Variants in RGPD8 observed in about 807,000 individuals in gnomAD.
RGPD8 encodes RANBP2 like and GRIP domain containing 8.
A neutral mutation model predicts 89.1 loss-of-function variants in RGPD8; 15 were observed. The ratio of observed to expected loss-of-function variants is 0.17; its 90% confidence interval spans 0.11 to 0.26. The LOEUF (loss-of-function observed/expected upper bound fraction) is 0.26. Among genes scored for constraint, RGPD8 ranks in the 10% least tolerant of loss-of-function variants. The probability of loss-of-function intolerance (pLI) is 1.00; values close to 1 mark genes in which losing one functional copy is unlikely to be tolerated. For missense variants in RGPD8, 178 were observed against 1,179.6 expected (o/e 0.15, Z 12.44); for synonymous variants, 62 against 420.9 (o/e 0.15, Z 10.44).
At chr2:112,402,536 T>TAAAAGAAA (rs1574004720) in intron 9 of RGPD8, among the ~76,000 whole-genome samples, 2 of 5,428 alleles carry the variant, frequency 3.7e-4, no homozygotes, top group African/African-American at 6.4e-4. Flanking sequence ...AAGAAAAGGT[T>TAAAAGAAA]ATGCGCTTCT....
chr2:112,374,878 T>C (rs1678075802), intron 22 of RGPD8, among the ~76,000 whole-genome samples: 1 of 144,524 alleles, frequency 6.9e-6, no homozygotes, highest in Non-Finnish European at 1.5e-5. Context: ...TTTTTTTTTT[T>C]GAGATAGGAG....
intron 7 of RGPD8, among the ~76,000 whole-genome samples, chr2:112,411,601 A>AGCCAGGCGC (rs1334409279): frequency 1.1e-5 from 1 of 88,216 alleles, no homozygotes; most frequent in East Asian, 3.2e-4. Context: ...AAAAAAAAAA[A>AGCCAGGCGC]GCCAGGCGCG....
intron 20 of RGPD8, among the ~76,000 whole-genome samples, chr2:112,382,044 G>C (rs1469143007): frequency 6.6e-6 from 1 of 151,610 alleles, no homozygotes; most frequent in Non-Finnish European, 1.5e-5. Flanking sequence ...CTAATCAGCT[G>C]CCAGCGAATA....
intron 21 of RGPD8, among the ~76,000 whole-genome samples, chr2:112,380,370 T>C (rs1678245607): frequency 8.0e-6 from 1 of 125,450 alleles, no homozygotes; most frequent in Non-Finnish European, 1.8e-5. Context: ...AAGAAGTATT[T>C]TGGCTGGATG....
chr2:112,374,307 GT>G (rs1272310992), intron 22 of RGPD8, among the ~76,000 whole-genome samples: 1 of 152,016 alleles, frequency 6.6e-6, no homozygotes, highest in Admixed American at 6.5e-5. Flanking sequence ...ATGGTGGTAA[GT>G]TTCCTTTGCA....
rs112457479 is a variant in RGPD8 at position 112,380,414 on chromosome 2, G to A, written c.5061+410C>T. On this transcript the variant is annotated intron_variant, in intron 21 of 22. Transcript: ENST00000302558. ...CACACCTGTAATACCCGCACTTCGG[G>A]AGGCCAAGGCAGGTGGATCACGAGG... Among the ~76,000 whole-genome samples the A allele has an allele frequency of 8.4e-3, 1,101 of 130,466 alleles. 48 individuals are homozygous for A. Among genetic ancestry groups the A allele is most frequent in the Non-Finnish European group, 0.014 (792 of 58,530 alleles). The allele number at this position is 130,466 out of a possible 152,430, so 85.6% of individuals were successfully genotyped here.
At chr2:112,411,094 A>T (rs1194238123) in intron 7 of RGPD8, among the ~76,000 whole-genome samples, 55 of 152,206 alleles carry the variant, frequency 3.6e-4, no homozygotes, top group East Asian at 1.9e-4. Context: ...CAAAAAGAAA[A>T]AAAGATTTAT....
intron 1 of RGPD8, among the ~76,000 whole-genome samples, chr2:112,427,583 G>T (rs1368237931): frequency 6.6e-6 from 1 of 152,158 alleles, no homozygotes; most frequent in Non-Finnish European, 1.5e-5. Flanking sequence ...GTAAGATAGA[G>T]ATGTAATTGT....
intron 9 of RGPD8, among the ~76,000 whole-genome samples, chr2:112,402,533 G>GAAAA (rs1172989175): frequency 6.6e-6 from 1 of 150,868 alleles, no homozygotes; most frequent in African/African-American, 2.4e-5. Flanking sequence ...GAAAAGAAAA[G>GAAAA]GTTATGCGCT....
rs1359671495 is a variant in RGPD8, at chr2:112,390,131, C to T, written c.2814G>A (p.Lys938=). 6.2e-6 allele frequency: 10 copies of T among 1,603,382 alleles called. No individual in the cohort carries two copies. The African/African-American group carries it at 9.6e-5, about 15-fold the overall frequency. The change falls in exon 20 of 23, where the codon AAG becomes AAA. Residue 938 remains lysine, a synonymous_variant. Coordinates refer to ENST00000302558, the MANE Select transcript of RGPD8 (RefSeq NM_001164463.1). ...EPGNQEKKRE[K]PLENDTGLQA... The stretch of plus-strand genomic sequence containing the variant: ...GTAAGCCAGTATCATTTTCAAGAGG[C>T]TTTTCCCTTTTCTTTTCTTGATTTC...
chr2:112,419,508 A>T (rs1167541319), intron 4 of RGPD8, among the ~76,000 whole-genome samples: 5 of 149,370 alleles, frequency 3.3e-5, no homozygotes, highest in African/African-American at 4.9e-5. Flanking sequence ...CAAATGTCAG[A>T]AACTGTTTAC....
intron 22 of RGPD8, among the ~76,000 whole-genome samples, chr2:112,371,616 T>C (rs2104756834): frequency 2.2e-5 from 1 of 44,640 alleles, no homozygotes; most frequent in East Asian, 5.9e-4. Flanking sequence ...CGAATAATTG[T>C]GTACAGGTTT....
At chr2:112,379,849 A>G (rs1678222495) in intron 21 of RGPD8, among the ~76,000 whole-genome samples, 1 of 148,126 alleles carries the variant, frequency 6.8e-6, no homozygotes, top group East Asian at 2.0e-4. Context: ...TAGGAGCAGC[A>G]AAGTACAGGG....
chr2:112,405,167 CT>C (rs1441244181), intron 8 of RGPD8, among the ~76,000 whole-genome samples: 1 of 142,422 alleles, frequency 7.0e-6, no homozygotes, highest in East Asian at 2.2e-4. Context: ...TAAGGAATTC[CT>C]CACGGAGTGA....
chr2:112,432,013 A>G (rs933087549), intron 1 of RGPD8, among the ~76,000 whole-genome samples: 3 of 152,196 alleles, frequency 2.0e-5, no homozygotes, highest in Non-Finnish European at 4.4e-5. Flanking sequence ...GCAATAACCT[A>G]AATGTTTAAA....
rs1262928026 is a variant in RGPD8 at position 112,433,477 on chromosome 2, G to A, written c.-24C>T. The A allele has an allele frequency of 7.5e-6, 12 of 1,602,804 alleles. No individual in the cohort carries two copies. Among genetic ancestry groups the A allele is most frequent in the Non-Finnish European group, 1.0e-5 (12 of 1,175,964 alleles). On this transcript the variant is annotated 5_prime_UTR_variant, in exon 1 of 23. Coordinates refer to ENST00000302558, the MANE Select transcript of RGPD8 (RefSeq NM_001164463.1). ...ATCGCGCCGCCAACCTGGCTCCCGA[G>A]ACGCGTGCGAGCACCGCTCAGCCCC...
intron 22 of RGPD8, among the ~76,000 whole-genome samples, chr2:112,374,858 C>CTT (rs780008775): frequency 0.1 from 10,102 of 96,570 alleles, 181 homozygotes; most frequent in South Asian, 0.16. Flanking sequence ...AGTTTACATT[C>CTT]TTTTTTTTTT....
rs535825415 is a variant in RGPD8 at position 112,428,756 on chromosome 2, T to C, written c.73-4449A>G. Among the ~76,000 whole-genome samples, 29 of 152,350 alleles carry C rather than the reference T, an allele frequency of 1.9e-4. No individual in the cohort carries two copies. The South Asian group carries it at 6.0e-3, about 32-fold the overall frequency. Reference sequence around the variant, plus strand: ...AAATTGATGGGATTATGTGACCAGTTTGACCACATTTGAGGGTTTAAATTG... The same window carrying C: ...AAATTGATGGGATTATGTGACCAGTCTGACCACATTTGAGGGTTTAAATTG... On this transcript the variant is annotated intron_variant, in intron 1 of 22. Transcript: ENST00000302558.
At chr2:112,416,102 A>G (rs1247001470) in intron 6 of RGPD8, among the ~76,000 whole-genome samples, 3 of 147,892 alleles carry the variant, frequency 2.0e-5, no homozygotes, top group Non-Finnish European at 4.5e-5. Flanking sequence ...AAAAAAAAAA[A>G]AAAAAAAAAG....
Sources: allele counts gnomAD v4.1 joint callset (sites outside exome capture counted in the v4.1 genomes callset), GRCh38; gene constraint gnomAD v4.1.1; transcripts MANE v1.5; gene names NCBI Gene and HGNC (gene_info 2026-07-23, HGNC 2026-07-21).